ATAD1: variants seen among roughly 807,000 people sequenced by gnomAD.
The protein encoded by ATAD1 is ATPase family AAA domain containing 1, also known as outer mitochondrial transmembrane helix translocase.
Under a neutral mutation model 42.7 loss-of-function variants are expected in ATAD1, and 18 were observed. That is an observed-to-expected ratio of 0.42 (90% CI 0.29 to 0.63). The LOEUF is 0.63. Among genes scored for constraint, ATAD1 ranks in the 20% least tolerant of loss-of-function variants. ATAD1 has a pLI of 0.19. For synonymous variants in ATAD1, 132 were observed against 143.1 expected (o/e 0.92, Z 0.55); for missense variants, 294 against 440.4 (o/e 0.67, Z 2.98).
intron 2 of ATAD1, among the ~76,000 whole-genome samples, chr10:87,807,118 C>A (rs1856960383): frequency 6.6e-6 from 1 of 152,078 alleles, no homozygotes; most frequent in African/African-American, 2.4e-5. Flanking sequence ...TTGTTTTTCT[C>A]TTGTTTATCT....
At chr10:87,785,639 A>C (rs548854794) in intron 4 of ATAD1, among the ~76,000 whole-genome samples, 15 of 150,756 alleles carry the variant, frequency 9.9e-5, no homozygotes, top group Admixed American at 9.9e-4. Context: ...GATCTGGAGG[A>C]GTCCAAAATT....
chr10:87,792,536 G>C, intron 3 of ATAD1, 121 bp downstream of exon 3: 1 of 688,174 alleles, frequency 1.5e-6, no homozygotes, highest in East Asian at 2.7e-5. Flanking sequence ...TATATGCCGA[G>C]TCTTATGATT....
At chr10:87,810,822 T>C (rs952962792) in intron 2 of ATAD1, among the ~76,000 whole-genome samples, 1 of 152,238 alleles carries the variant, frequency 6.6e-6, no homozygotes, top group Non-Finnish European at 1.5e-5. Flanking sequence ...AGATAGCCTT[T>C]TGGGGTTCTA....
At chr10:87,840,814 C>G (rs1211389784) in intron 1 of ATAD1, among the ~76,000 whole-genome samples, 1 of 152,024 alleles carries the variant, frequency 6.6e-6, no homozygotes, top group Non-Finnish European at 1.5e-5. Flanking sequence ...ATGTCCCATA[C>G]CAAAGCGTAG....
At chr10:87,839,671 T>C (rs530941306) in intron 1 of ATAD1, among the ~76,000 whole-genome samples, 1 of 152,344 alleles carries the variant, frequency 6.6e-6, no homozygotes, top group Admixed American at 6.5e-5. Flanking sequence ...TGTTATGCTC[T>C]ATTGCTTTCC....
chr10:87,755,503 A>C (rs191354916), intron 9 of ATAD1, among the ~76,000 whole-genome samples: 1 of 151,860 alleles, frequency 6.6e-6, no homozygotes, highest in Non-Finnish European at 1.5e-5. Flanking sequence ...ACTGAAATAC[A>C]GTTTTCAGGG....
intron 2 of ATAD1, among the ~76,000 whole-genome samples, chr10:87,802,860 A>C (rs1174125373): frequency 6.6e-6 from 1 of 152,208 alleles, no homozygotes; most frequent in Non-Finnish European, 1.5e-5. Flanking sequence ...TATTTTCTAT[A>C]GTTTAGACAG....
chr10:87,829,961 A>C (rs1857799131), intron 1 of ATAD1, among the ~76,000 whole-genome samples: 3 of 152,256 alleles, frequency 2.0e-5, no homozygotes, highest in Admixed American at 2.0e-4. Flanking sequence ...TGCTCTGGGT[A>C]AAATGCTATC....
intron 2 of ATAD1, among the ~76,000 whole-genome samples, chr10:87,808,355 A>G (rs1054330196): frequency 6.6e-6 from 1 of 152,146 alleles, no homozygotes; most frequent in Non-Finnish European, 1.5e-5. Context: ...AAAAGTAATG[A>G]AAAGTAATGA....
At chr10:87,764,592 C>T (rs1267638331) in intron 8 of ATAD1, among the ~76,000 whole-genome samples, 2 of 152,154 alleles carry the variant, frequency 1.3e-5, no homozygotes, top group African/African-American at 4.8e-5. Context: ...AAATGTAAAA[C>T]GTACAAGCCA....
At chr10:87,761,774 A>AT (rs201432191) in intron 8 of ATAD1, among the ~76,000 whole-genome samples, 7 of 151,632 alleles carry the variant, frequency 4.6e-5, no homozygotes, top group Non-Finnish European at 5.9e-5. Context: ...TCTTCCTCTT[A>AT]TTTCTTTTTT....
At chr10:87,831,543 T>G (rs925308586) in intron 1 of ATAD1, among the ~76,000 whole-genome samples, 10 of 152,224 alleles carry the variant, frequency 6.6e-5, no homozygotes, top group African/African-American at 2.2e-4. Context: ...AACCACCCTT[T>G]TGATACCTAC....
chr10:87,804,062 T>A (rs1856818616), intron 2 of ATAD1, among the ~76,000 whole-genome samples: 1 of 152,224 alleles, frequency 6.6e-6, no homozygotes, highest in Non-Finnish European at 1.5e-5. Context: ...CTTTCTGGGG[T>A]TAACAAATGT....
At chr10:87,784,411 T>C in intron 5 of ATAD1, 59 bp downstream of exon 5, 1 of 1,506,250 alleles carries the variant, frequency 6.6e-7, no homozygotes, top group Non-Finnish European at 9.1e-7. Flanking sequence ...CTAAATCTGG[T>C]TATCTAAATA....
intron 4 of ATAD1, among the ~76,000 whole-genome samples, chr10:87,789,116 C>T (rs1047640238): frequency 6.6e-6 from 1 of 152,238 alleles, no homozygotes; most frequent in Admixed American, 6.5e-5. Context: ...AATTAATGCA[C>T]TTTATTGATA....
At chr10:87,791,030 C>CAAAAAAAAAAAAAAAAA (rs34722647) in intron 3 of ATAD1, among the ~76,000 whole-genome samples, 4 of 66,250 alleles carry the variant, frequency 6.0e-5, no homozygotes, top group Non-Finnish European at 1.1e-4. Context: ...ACTAAAATTA[C>CAAAAAAAAAAAAAAAAA]AAAAAAAAAA....
intron 2 of ATAD1, among the ~76,000 whole-genome samples, chr10:87,801,066 A>C (rs1856668368): frequency 6.6e-6 from 1 of 152,230 alleles, no homozygotes; most frequent in South Asian, 2.1e-4. Context: ...GAAAGGCTTA[A>C]GGAAGTTATA....
At position 87,754,506 on chromosome 10, in the gene ATAD1, T is replaced by C. The variant is rs1184513423; in HGVS notation, c.*181A>G. The C allele has an allele frequency of 3.3e-5, 21 of 632,650 alleles. No homozygotes were observed. Among genetic ancestry groups the C allele is most frequent in the African/African-American group, 9.2e-5 (5 of 54,190 alleles). The allele number at this position is 632,650 out of a possible 1,614,324, so 39.2% of individuals were successfully genotyped here. A position where few individuals can be genotyped will look rare whatever the true frequency, so the allele number is the denominator to read the frequency against. The stretch of plus-strand genomic sequence containing the variant: ...ATTCAACTGTTCCTCCTCATGATTT[T>C]TGACCAACAGTAATACCACCTATGT... On this transcript the variant is annotated 3_prime_UTR_variant, in exon 10 of 10. Transcript: ENST00000680024.
intron 2 of ATAD1, among the ~76,000 whole-genome samples, chr10:87,807,023 A>T (rs1455540306): frequency 6.6e-6 from 1 of 152,172 alleles, no homozygotes; most frequent in Admixed American, 6.5e-5. Flanking sequence ...GATACTATAT[A>T]CACTCAAGTT....
Sources: allele counts gnomAD v4.1 joint callset (sites outside exome capture counted in the v4.1 genomes callset), GRCh38; gene constraint gnomAD v4.1.1; transcripts MANE v1.5; gene names NCBI Gene and HGNC (gene_info 2026-07-23, HGNC 2026-07-21).